PTCHD4: variants seen among roughly 807,000 people sequenced by gnomAD.
PTCHD4 encodes patched domain containing 4, also known as patched domain-containing protein 4.
In PTCHD4, 33 loss-of-function variants were observed where a neutral mutation model predicts 58.1. That is an observed-to-expected ratio of 0.57 (90% CI 0.43 to 0.76). PTCHD4 has a LOEUF of 0.76. Ranked by LOEUF, PTCHD4 falls within the 30% of genes least tolerant of loss-of-function variation. The pLI, the probability that PTCHD4 is intolerant of heterozygous loss-of-function variation, is 0.00. For synonymous variants in PTCHD4, 478 were observed against 409.6 expected, an observed-to-expected ratio of 1.17 and a Z score of -2.02; for missense variants, 1,058 against 1,027.1, an observed-to-expected ratio of 1.03 and a Z score of -0.41.
At chr6:48,089,653 A>G (rs1765327178) in intron 1 of PTCHD4, among the ~76,000 whole-genome samples, 1 of 152,246 alleles carries the variant, frequency 6.6e-6, no homozygotes, top group Admixed American at 6.5e-5. Context: ...TTAAACGTCA[A>G]TCCACTTAAT....
intron 4 of PTCHD4, among the ~76,000 whole-genome samples, chr6:47,961,675 T>C (rs1228453593): frequency 2.0e-5 from 3 of 152,198 alleles, no homozygotes; most frequent in Admixed American, 2.0e-4. Context: ...GTCAATGCAC[T>C]CCTGGCTCAA....
intron 4 of PTCHD4, among the ~76,000 whole-genome samples, chr6:47,960,484 C>T (rs990028574): frequency 6.6e-6 from 1 of 151,744 alleles, no homozygotes; most frequent in South Asian, 2.1e-4. Context: ...TATAAACATA[C>T]GAGTATGTTT....
intron 4 of PTCHD4, among the ~76,000 whole-genome samples, chr6:47,910,771 T>C (rs1018861599): frequency 6.6e-6 from 1 of 152,208 alleles, no homozygotes; most frequent in Non-Finnish European, 1.5e-5. Context: ...GATTTGAAGA[T>C]GTTAAGGGGT....
intron 4 of PTCHD4, among the ~76,000 whole-genome samples, chr6:47,954,630 C>A (rs962300957): frequency 1.1e-4 from 17 of 152,048 alleles, no homozygotes; most frequent in African/African-American, 3.6e-4. Flanking sequence ...ATTGGTATTG[C>A]AATTTTAATA....
chr6:47,990,404 C>T (rs1768236151), intron 4 of PTCHD4, among the ~76,000 whole-genome samples: 1 of 152,016 alleles, frequency 6.6e-6, no homozygotes, highest in Admixed American at 6.6e-5. Context: ...GTGTCCCCAC[C>T]CAAATCTCAT....
In PTCHD4 at chr6:48,008,695, G is replaced by A. The variant is rs748995763; in HGVS notation, c.837C>T (p.Ile279=). The part of the protein sequence containing the change: ...VCISIITAAG[I]FFITDGKYNS... ...TGTACTTTCCATCGGTGATGAAGAA[G>A]ATCCCTGCTGCTGTGATGATGGAGA... is the stretch of plus-strand genomic sequence containing the variant. The change falls in exon 4 of 5, where the codon ATC becomes ATT. Residue 279 remains isoleucine (I), a synonymous_variant. Transcript: ENST00000339488. 1 of 1,613,728 alleles carries A rather than the reference G, an allele frequency of 6.2e-7. No individual in the cohort carries two copies. The highest frequency in any genetic ancestry group is 1.7e-5 in the Admixed American group (1 of 59,954).
rs1226854204 is a variant in PTCHD4, at chr6:48,069,497, T to A, written c.-540A>T. On this transcript the variant is annotated 5_prime_UTR_variant, in exon 2 of 5. The change abolishes an upstream ATG in the 5' untranslated region. Transcript: ENST00000339488. ...TGCATTTTTAACACACCACACAGCA[T>A]GCAAGGGATTTCCTCGCAACACCTT... Among the ~76,000 whole-genome samples the A allele has an allele frequency of 6.6e-6, 1 of 152,170 alleles. No individual in the cohort carries two copies. The highest frequency in any genetic ancestry group is 1.5e-5 in the Non-Finnish European group (1 of 68,034).
At chr6:48,001,828 C>T (rs921077387) in intron 4 of PTCHD4, among the ~76,000 whole-genome samples, 10 of 152,212 alleles carry the variant, frequency 6.6e-5, no homozygotes, top group Non-Finnish European at 1.3e-4. Flanking sequence ...AGGCAACCTA[C>T]AGAATGGAAG....
At position 47,862,509 on chromosome 6, in the gene PTCHD4, G is replaced by T. The variant is rs560123458; in HGVS notation, c.*15794C>A. On this transcript the variant is annotated 3_prime_UTR_variant, in exon 5 of 5. Coordinates refer to ENST00000339488, the MANE Select transcript of PTCHD4 (RefSeq NM_001384253.1). ...AACCTGTTTATTTATTTGGTTTCCT[G>T]GCCATTTGTCAATTTTTTTCTTCAT... Among the ~76,000 whole-genome samples, 128 of 151,540 alleles carry T rather than the reference G, an allele frequency of 8.4e-4. No homozygotes were observed. Among genetic ancestry groups the T allele is most frequent in the African/African-American group, 2.9e-3 (118 of 41,388 alleles).
chr6:47,976,563 A>C (rs1767697257), intron 4 of PTCHD4, among the ~76,000 whole-genome samples: 1 of 152,030 alleles, frequency 6.6e-6, no homozygotes, highest in Non-Finnish European at 1.5e-5. Flanking sequence ...CTGAGGCAGG[A>C]GAATTGCTTG....
intron 1 of PTCHD4, among the ~76,000 whole-genome samples, chr6:48,091,890 T>A (rs1398604826): frequency 6.6e-6 from 1 of 151,924 alleles, no homozygotes; most frequent in Non-Finnish European, 1.5e-5. Context: ...CCTCTGATGA[T>A]CCACCTGCCT....
intron 4 of PTCHD4, among the ~76,000 whole-genome samples, chr6:47,910,804 G>T (rs552113607): frequency 1.3e-5 from 2 of 152,046 alleles, no homozygotes; most frequent in African/African-American, 2.4e-5. Flanking sequence ...TAACACCCTC[G>T]CTGAGACTTT....
chr6:48,088,825 C>T (rs1443150671), intron 1 of PTCHD4, among the ~76,000 whole-genome samples: 1 of 152,092 alleles, frequency 6.6e-6, no homozygotes, highest in East Asian at 1.9e-4. Context: ...GGGTGGATTA[C>T]CTGAGGTCAG....
rs556538540 is a variant in PTCHD4 at position 47,866,988 on chromosome 6, C to A, written c.*11315G>T. Among the ~76,000 whole-genome samples the A allele has an allele frequency of 6.6e-6, 1 of 151,784 alleles. No homozygotes were observed. The highest frequency in any genetic ancestry group is 1.9e-4 in the East Asian group (1 of 5,130). On this transcript the variant is annotated 3_prime_UTR_variant, in exon 5 of 5. Coordinates refer to ENST00000339488, the MANE Select transcript of PTCHD4 (RefSeq NM_001384253.1). ...CATTTGGACTTCTCTGTACATGCAC[C>A]TTTCATACTGATTTATGATGAAAAG...
intron 4 of PTCHD4, among the ~76,000 whole-genome samples, chr6:47,995,437 A>G (rs1025948417): frequency 9.9e-5 from 15 of 152,200 alleles, no homozygotes. Context: ...GTCTTTTTAC[A>G]TATCTTGAGA....
rs757247351 is a variant in PTCHD4 at position 47,878,711 on chromosome 6, A to G, written c.2124T>C (p.Asp708=). 1 of 1,613,598 alleles carries G rather than the reference A, an allele frequency of 6.2e-7. No individual in the cohort carries two copies. The highest frequency in any genetic ancestry group is 8.5e-7 in the Non-Finnish European group (1 of 1,179,778). The change falls in exon 5 of 5, where the codon GAT becomes GAC. Residue 708 remains aspartate, a synonymous_variant. Coordinates refer to ENST00000339488, the MANE Select transcript of PTCHD4 (RefSeq NM_001384253.1). ...GLMTLWNVDM[D]CISILCLIYT... is the part of the protein sequence containing the mutation. Reference sequence around the variant, plus strand: ...AGATAAGGCACAAGATAGAAATGCAATCCATGTCGACGTTCCATAATGTCA... The same window carrying G: ...AGATAAGGCACAAGATAGAAATGCAGTCCATGTCGACGTTCCATAATGTCA...
At chr6:47,897,860 T>C (rs547119191) in intron 4 of PTCHD4, among the ~76,000 whole-genome samples, 34 of 152,034 alleles carry the variant, frequency 2.2e-4, no homozygotes, top group Non-Finnish European at 4.3e-4. Flanking sequence ...TTAATAGACA[T>C]GCCATAAATA....
chr6:47,902,476 GGA>G (rs1350368731), intron 4 of PTCHD4, among the ~76,000 whole-genome samples: 2 of 152,100 alleles, frequency 1.3e-5, no homozygotes, highest in African/African-American at 4.8e-5. Context: ...AAAAGCTCAG[GGA>G]AATGCATAAA....
chr6:48,025,177 G>A (rs1226361508), intron 3 of PTCHD4, among the ~76,000 whole-genome samples: 1 of 152,122 alleles, frequency 6.6e-6, no homozygotes, highest in Admixed American at 6.6e-5. Flanking sequence ...CAAGAACACT[G>A]TGTCTGGTAC....
Sources: gnomAD v4.1 joint callset for allele counts (sites outside exome capture counted in the v4.1 genomes callset) on GRCh38, gnomAD v4.1.1 for gene constraint, MANE v1.5 for transcripts, NCBI Gene and HGNC (gene_info 2026-07-23, HGNC 2026-07-21) for gene names.